The following GSG1L variants were observed in gnomAD, a reference collection of about 807,000 sequenced individuals.
GSG1L encodes the protein GSG1 like.
GSG1L carries 24 observed loss-of-function variants against 42.1 expected under a neutral mutation model. The observed-to-expected ratio is 0.57, with a 90% CI of 0.41 to 0.80. The LOEUF (loss-of-function observed/expected upper bound fraction) is 0.80. GSG1L is among the 30% of genes least tolerant of loss of function. GSG1L has a pLI of 0.00. For missense variants in GSG1L, 445 were observed against 472.2 expected (o/e 0.94, Z 0.53); for synonymous variants, 215 against 203.5 (o/e 1.06, Z -0.48).
At chr16:27,933,648 CAAAA>C (rs55936452) in intron 2 of GSG1L, among the ~76,000 whole-genome samples, 5 of 94,680 alleles carry the variant, frequency 5.3e-5, no homozygotes, top group South Asian at 4.1e-4. Context: ...GACTTTGTCA[CAAAA>C]AAAAAAAAAA....
chr16:27,855,410 G>A (rs13380750), intron 3 of GSG1L, among the ~76,000 whole-genome samples: 15,359 of 152,028 alleles, frequency 0.1, 792 homozygotes, highest in African/African-American at 0.13. Context: ...CTGACACGGC[G>A]CTAAGGGCTG....
At chr16:27,888,545 TTC>T (rs2084080423) in intron 2 of GSG1L, among the ~76,000 whole-genome samples, 1 of 20,370 alleles carries the variant, frequency 4.9e-5, no homozygotes, top group African/African-American at 1.3e-4. Context: ...CTTTCTTTCT[TTC>T]TTTCTTTCTT....
At position 27,797,523 on chromosome 16, in the gene GSG1L, C is replaced by CAAA. The variant is rs766041354; in HGVS notation, c.899-6059_899-6057dup. On this transcript the variant is annotated intron_variant, in intron 6 of 6. Transcript: ENST00000447459. ...GAGCAGCAAGAGCAAAACTCCATCT[C>CAAA]AAAAAAAAAAAAAAAAGGGCCGGGC... is the stretch of plus-strand genomic sequence containing the variant. Among the ~76,000 whole-genome samples the CAAA allele has an allele frequency of 5.4e-3, 391 of 72,374 alleles. 4 individuals are homozygous for CAAA. The highest frequency in any genetic ancestry group is 0.016 in the African/African-American group (267 of 16,850). The allele number at this position is 72,374 out of a possible 152,430, so 47.5% of individuals were successfully genotyped here.
chr16:27,831,827 C>A (rs2083277815), intron 4 of GSG1L, among the ~76,000 whole-genome samples: 3 of 152,196 alleles, frequency 2.0e-5, no homozygotes, highest in Non-Finnish European at 4.4e-5. Flanking sequence ...ATTTCTCAGG[C>A]TCTCCACATC....
At chr16:27,851,623 A>G (rs1162222190) in intron 3 of GSG1L, among the ~76,000 whole-genome samples, 2 of 152,102 alleles carry the variant, frequency 1.3e-5, no homozygotes, top group Non-Finnish European at 2.9e-5. Flanking sequence ...CTTTTCTGAG[A>G]GTGGGAAAGC....
At chr16:27,956,349 G>A (rs2085005243) in intron 2 of GSG1L, among the ~76,000 whole-genome samples, 1 of 152,222 alleles carries the variant, frequency 6.6e-6, no homozygotes, top group African/African-American at 2.4e-5. Flanking sequence ...ACAATGACCA[G>A]AGGAGACCTT....
chr16:27,836,118 T>G (rs575638395), intron 4 of GSG1L, among the ~76,000 whole-genome samples: 54 of 152,296 alleles, frequency 3.5e-4, no homozygotes, highest in Admixed American at 6.5e-4. Flanking sequence ...GTATAGAATT[T>G]TAAATTGATA....
chr16:27,841,773 G>A (rs2083384053), intron 4 of GSG1L, among the ~76,000 whole-genome samples: 1 of 152,114 alleles, frequency 6.6e-6, no homozygotes, highest in Non-Finnish European at 1.5e-5. Context: ...CCCTTGGGAG[G>A]CCAGCCCCGA....
chr16:28,015,767 T>C (rs2085773672), intron 1 of GSG1L, among the ~76,000 whole-genome samples: 2 of 152,200 alleles, frequency 1.3e-5, no homozygotes, highest in African/African-American at 4.8e-5. Flanking sequence ...AATATCCTTA[T>C]CAGGACTTGA....
intron 3 of GSG1L, among the ~76,000 whole-genome samples, chr16:27,868,198 C>A (rs1269219631): frequency 6.6e-6 from 1 of 152,240 alleles, no homozygotes; most frequent in East Asian, 1.9e-4. Flanking sequence ...ATTTAAATTA[C>A]TAATGGCCAG....
chr16:27,917,622 C>T (rs1387879222), intron 2 of GSG1L, among the ~76,000 whole-genome samples: 1 of 152,170 alleles, frequency 6.6e-6, no homozygotes, highest in Non-Finnish European at 1.5e-5. Context: ...AGGTGAGAAT[C>T]CAGCCATTCC....
At chr16:27,979,838 GAGAA>G (rs948848768) in intron 1 of GSG1L, among the ~76,000 whole-genome samples, 4 of 148,690 alleles carry the variant, frequency 2.7e-5, no homozygotes, top group African/African-American at 7.5e-5. Context: ...GAGAGAGAGA[GAGAA>G]AGGAAGGAAG....
chr16:27,794,562 A>T (rs1353606099), intron 6 of GSG1L, among the ~76,000 whole-genome samples: 5 of 151,646 alleles, frequency 3.3e-5, no homozygotes, highest in Admixed American at 3.3e-4. Context: ...CAATCTCCTG[A>T]CCTCGTGATC....
At chr16:27,890,926 T>G (rs1001342135) in intron 2 of GSG1L, among the ~76,000 whole-genome samples, 1 of 151,986 alleles carries the variant, frequency 6.6e-6, no homozygotes, top group African/African-American at 2.4e-5. Flanking sequence ...GCTGTGGAAG[T>G]GCGGCAGACA....
intron 3 of GSG1L, among the ~76,000 whole-genome samples, chr16:27,845,947 C>T (rs796908741): frequency 7.3e-5 from 11 of 151,642 alleles, no homozygotes; most frequent in African/African-American, 2.2e-4. Flanking sequence ...CTGTCACCCA[C>T]GCTGGAGTGC....
intron 1 of GSG1L, among the ~76,000 whole-genome samples, chr16:27,971,894 A>C (rs893899145): frequency 1.3e-5 from 2 of 152,196 alleles, no homozygotes; most frequent in Non-Finnish European, 2.9e-5. Flanking sequence ...AACAAACTTC[A>C]ATGAGAATCT....
At chr16:27,893,549 G>C (rs570970826) in intron 2 of GSG1L, among the ~76,000 whole-genome samples, 4 of 152,266 alleles carry the variant, frequency 2.6e-5, no homozygotes, top group South Asian at 2.1e-4. Flanking sequence ...TTGCTAATAA[G>C]TGTCATTATT....
chr16:27,958,970 C>T (rs1349780411), intron 2 of GSG1L, among the ~76,000 whole-genome samples: 3 of 152,036 alleles, frequency 2.0e-5, no homozygotes, highest in Middle Eastern at 3.4e-3. Context: ...CCACTGCACC[C>T]GGCCACGGTT....
chr16:27,788,365 T>C lies in GSG1L; in HGVS notation c.*3005A>G, dbSNP rs546839204. The C allele has an allele frequency of 6.6e-6, 1 of 152,292 alleles. No homozygotes were observed. Among genetic ancestry groups the C allele is most frequent in the East Asian group, 1.9e-4 (1 of 5,174 alleles). 9.4% of individuals were successfully genotyped at this position (152,292 alleles called of 1,614,324 possible). On this transcript the variant is annotated 3_prime_UTR_variant, in exon 7 of 7. Coordinates refer to ENST00000447459, the MANE Select transcript of GSG1L (RefSeq NM_001109763.2). ...TATTCTGTGCCCATAGTTGCGGTGA[T>C]CTTCCTCAAATGTACACCCAGGCGC...
Sources: allele counts gnomAD v4.1 joint callset (sites outside exome capture counted in the v4.1 genomes callset), GRCh38; gene constraint gnomAD v4.1.1; transcripts MANE v1.5; gene names NCBI Gene and HGNC (gene_info 2026-07-23, HGNC 2026-07-21).